Variants in FBXL8 observed in about 807,000 individuals in gnomAD.
The protein encoded by FBXL8 is F-box/LRR-repeat protein 8.
Under a neutral mutation model 8.2 loss-of-function variants are expected in FBXL8, and 13 were observed. That is an observed-to-expected ratio of 1.58 (90% CI 1.03 to 2.51). FBXL8 has a LOEUF of 2.51. Among genes scored for constraint, FBXL8 ranks in the 30% most tolerant of loss-of-function variants. FBXL8 has a pLI of 0.00. For missense variants in FBXL8, 565 were observed against 540.4 expected (o/e 1.05, Z -0.45); for synonymous variants, 271 against 260.5 (o/e 1.04, Z -0.39).
chr16:67,161,565 T>G (rs1026330070), intron 1 of FBXL8, 170 bp from the exon 2 acceptor site: 24 of 470,532 alleles, frequency 5.1e-5, no homozygotes, highest in East Asian at 4.2e-4. Flanking sequence ...CCTGATTTAG[T>G]AGGTGAGGCG....
At chr16:67,160,812 C>G (rs534049590) in intron 1 of FBXL8, among the ~76,000 whole-genome samples, 194 of 152,370 alleles carry the variant, frequency 1.3e-3, no homozygotes, top group Non-Finnish European at 2.2e-3. Flanking sequence ...CAGGGTGGGT[C>G]TGCGGAGTTC....
chr16:67,161,866 C>G lies in FBXL8; in HGVS notation c.81C>G (p.Ala27=), dbSNP rs761003885. Residue 27 remains alanine (A), a synonymous_variant, in exon 2 of 3, where the codon GCC becomes GCG. Transcript: ENST00000258200. ...ACCTGTCCCTGAGAGACCGTGCTGC[C>G]GCCGCCAGGGTCTGCAGGGCCTGGG... ...FRHLSLRDRA[A]AARVCRAWAA... The G allele has an allele frequency of 2.5e-6, 4 of 1,610,622 alleles. No homozygotes were observed. In the South Asian group the frequency reaches 3.3e-5, roughly 13 times the overall value.
chr16:67,163,407 C>T lies in FBXL8; in HGVS notation c.712C>T (p.Pro238Ser). The stretch of plus-strand genomic sequence containing the variant: ...CGAAGATGCACGCGCGTCCCCGCTG[C>T]CCAACGAAGCCTGGGTCGCGTTGCG... Reference protein sequence around the residue: ...CPEDARASPLPNEAWVALRRR... With the variant: ...CPEDARASPLSNEAWVALRRR... The change falls in exon 3 of 3, where the codon CCC (proline) becomes TCC (serine). Residue 238 changes from proline to serine, a missense_variant. Transcript: ENST00000258200. The T allele has an allele frequency of 1.3e-6, 2 of 1,537,554 alleles. No homozygotes were observed. The highest frequency in any genetic ancestry group is 1.4e-5 in the African/African-American group (1 of 72,920).
In FBXL8 at chr16:67,161,857, C is replaced by T; in HGVS notation, c.72C>T (p.Asp24=). 6.2e-7 allele frequency: 1 copy of T among 1,610,714 alleles called. No homozygotes were observed. The highest frequency in any genetic ancestry group is 8.5e-7 in the Non-Finnish European group (1 of 1,178,814). Residue 24 remains aspartate, a synonymous_variant, in exon 2 of 3, where the codon GAC becomes GAT. Coordinates refer to ENST00000258200, the MANE Select transcript of FBXL8 (RefSeq NM_018378.3). ...ALIFRHLSLR[D]RAAAARVCRA... is the part of the protein sequence containing the mutation. ...TCTTCCGCCACCTGTCCCTGAGAGA[C>T]CGTGCTGCCGCCGCCAGGGTCTGCA...
chr16:67,162,536 G>T, intron 2 of FBXL8: 1 of 698,488 alleles, frequency 1.4e-6, no homozygotes. Context: ...GAATGGCAGA[G>T]GCAGAATTCG....
rs781172837 is a variant in FBXL8, at chr16:67,163,383, G to A, written c.688G>A (p.Glu230Lys). 2.6e-6 allele frequency: 4 copies of A among 1,541,840 alleles called. No homozygotes were observed. The highest frequency in any genetic ancestry group is 3.5e-6 in the Non-Finnish European group (4 of 1,148,938). The change falls in exon 3 of 3, where the codon GAA (glutamate) becomes AAA (lysine). Residue 230 changes from glutamate (E) to lysine (K), a missense_variant. Coordinates refer to ENST00000258200, the MANE Select transcript of FBXL8 (RefSeq NM_018378.3). ...ALLALRCACP[E>K]DARASPLPNE... ...CTTGGCTCTGCGGTGCGCGTGCCCCGAAGATGCACGCGCGTCCCCGCTGCC... is the reference window on the plus strand; with the variant it reads ...CTTGGCTCTGCGGTGCGCGTGCCCCAAAGATGCACGCGCGTCCCCGCTGCC...
chr16:67,161,839 C>G lies in FBXL8; in HGVS notation c.54C>G (p.Arg18=), dbSNP rs112559086. ...LPEEVLALIF[R]HLSLRDRAAA... ...AGGAGGTGCTGGCACTCATCTTCCG[C>G]CACCTGTCCCTGAGAGACCGTGCTG... Residue 18 remains arginine, a synonymous_variant, in exon 2 of 3, where the codon CGC becomes CGG. Coordinates refer to ENST00000258200, the MANE Select transcript of FBXL8 (RefSeq NM_018378.3). 4.2e-5 allele frequency: 68 copies of G among 1,610,788 alleles called. No individual in the cohort carries two copies. In the African/African-American group the frequency reaches 4.7e-4, roughly 11 times the overall value.
rs1340141565 is a variant in FBXL8 at position 67,163,546 on chromosome 16, T to G, written c.851T>G (p.Leu284Arg). 6.3e-7 allele frequency: 1 copy of G among 1,575,214 alleles called. No individual in the cohort carries two copies. Among genetic ancestry groups the G allele is most frequent in the Admixed American group, 1.7e-5 (1 of 57,698 alleles). ...AVPVAALRLN[L>R]SGDTVGPVRF... ...CCCGTGGCTGCGCTGCGCCTCAACC[T>G]CTCAGGCGACACCGTAGGCCCAGTG... The change falls in exon 3 of 3, where the codon CTC becomes CGC. Residue 284 changes from leucine to arginine, a missense_variant. Physicochemically the swap from Leu to Arg is moderately radical, Grantham distance 102. Transcript: ENST00000258200.
In FBXL8 at chr16:67,163,300, G is replaced by C. The variant is rs1218710522; in HGVS notation, c.605G>C (p.Ser202Thr). Residue 202 changes from serine (S) to threonine (T), a missense_variant, in exon 3 of 3, where the codon AGT becomes ACT. Ser to Thr is a moderately conservative substitution (Grantham distance 58, BLOSUM62 1). Transcript: ENST00000258200. ...RLRALGLHLA[S>T]LSHAILEALA... ...CGCGCTCTCGGCCTGCACCTAGCCA[G>C]TTTGTCGCACGCCATCCTCGAAGCA... The C allele has an allele frequency of 1.3e-6, 2 of 1,577,264 alleles. No homozygotes were observed. Among genetic ancestry groups the C allele is most frequent in the South Asian group, 2.3e-5 (2 of 87,712 alleles).
At chr16:67,161,502 G>C (rs568853351) in intron 1 of FBXL8, among the ~76,000 whole-genome samples, 23 of 151,934 alleles carry the variant, frequency 1.5e-4, no homozygotes, top group South Asian at 2.1e-4. Context: ...AACCTGTGGA[G>C]TCACAGGGGC....
Position 67,163,971 on chromosome 16 carries a change from A to T in FBXL8, c.*151A>T. 8.1e-7 allele frequency: 1 copy of T among 1,241,846 alleles called. No homozygotes were observed. 76.9% of individuals were successfully genotyped at this position (1,241,846 alleles called of 1,614,324 possible). The stretch of plus-strand genomic sequence containing the variant: ...AGTTGGGAACTGTGATGGCATCGGG[A>T]CCAGTCCTGGGCGCCCTGAGACCAC... On this transcript the variant is annotated 3_prime_UTR_variant, in exon 3 of 3. Coordinates refer to ENST00000258200, the MANE Select transcript of FBXL8 (RefSeq NM_018378.3).
chr16:67,163,371 T>G lies in FBXL8; in HGVS notation c.676T>G (p.Cys226Gly). The change falls in exon 3 of 3, where the codon TGC becomes GGC. Residue 226 changes from cysteine to glycine, a missense_variant. Physicochemically the swap from Cys to Gly is radical, Grantham distance 159. Transcript: ENST00000258200. ...GCCTTTCGCGCTCTTGGCTCTGCGG[T>G]GCGCGTGCCCCGAAGATGCACGCGC... ...RAPFALLALR[C>G]ACPEDARASP... is the part of the protein sequence containing the mutation. 6.5e-7 allele frequency: 1 copy of G among 1,545,402 alleles called. No homozygotes were observed. Among genetic ancestry groups the G allele is most frequent in the Non-Finnish European group, 8.7e-7 (1 of 1,150,558 alleles).
Position 67,161,894 on chromosome 16 carries a change from G to GCC in FBXL8, c.110_111dup (p.Ala38ProfsTer57). ...CGCCAGGGTCTGCAGGGCCTGGGCC[G>GCC]CCGCTGCTACCTGCAGCGCCGTGTG... On this transcript the variant is annotated frameshift_variant, in exon 2 of 3. Coordinates refer to ENST00000258200, the MANE Select transcript of FBXL8 (RefSeq NM_018378.3). LOFTEE classifies it low-confidence loss of function (END_TRUNC). 8 of 1,610,936 alleles carry GCC rather than the reference G, an allele frequency of 5.0e-6. No homozygotes were observed. The highest frequency in any genetic ancestry group is 6.8e-6 in the Non-Finnish European group (8 of 1,179,010).
In FBXL8 at chr16:67,163,933, CG is replaced by C. The variant is rs1332169666; in HGVS notation, c.*116del. The C allele has an allele frequency of 3.4e-6, 5 of 1,462,480 alleles. No homozygotes were observed. The highest frequency in any genetic ancestry group is 2.3e-4 in the Middle Eastern group (1 of 4,282). 90.6% of individuals were successfully genotyped at this position (1,462,480 alleles called of 1,614,324 possible). A position where few individuals can be genotyped will look rare whatever the true frequency, so the allele number is the denominator to read the frequency against. Reference sequence around the variant, plus strand: ...GCCTTCTTTTGGGATTGTTGCCCCCCGGGTCTTTACCGAGTTGGGAACTGTG... The same window carrying C: ...GCCTTCTTTTGGGATTGTTGCCCCCCGGTCTTTACCGAGTTGGGAACTGTG... On this transcript the variant is annotated 3_prime_UTR_variant, in exon 3 of 3. Transcript: ENST00000258200.
chr16:67,162,958 C>A lies in FBXL8; in HGVS notation c.263C>A (p.Ala88Glu). ...CCATCGAGGAAGCCGAGCCGCCGGG[C>A]GGCCATCGAGCTGCTGATGGTTCTG... is the stretch of plus-strand genomic sequence containing the variant. Reference protein sequence around the residue: ...FEPSRKPSRRAAIELLMVLAG... With the variant: ...FEPSRKPSRREAIELLMVLAG... Residue 88 changes from alanine (A) to glutamate (E), a missense_variant, in exon 3 of 3, where the codon GCG becomes GAG. Transcript: ENST00000258200. 1 of 1,560,434 alleles carries A rather than the reference C, an allele frequency of 6.4e-7. No homozygotes were observed. The highest frequency in any genetic ancestry group is 8.7e-7 in the Non-Finnish European group (1 of 1,152,156).
chr16:67,160,941 G>A (rs1311681884), intron 1 of FBXL8, among the ~76,000 whole-genome samples: 2 of 152,052 alleles, frequency 1.3e-5, no homozygotes, highest in Non-Finnish European at 2.9e-5. Flanking sequence ...TTTTCATCCA[G>A]TGGGGCTGTC....
rs903569211 is a variant in FBXL8, at chr16:67,163,029, G to A, written c.334G>A (p.Gly112Arg). ...GCGAGGCCTGCGCCTGGAGTGCCGC[G>A]GAGAAAAACCGCTCTTCGACGCGGG... Reference protein sequence around the residue: ...GLRGLRLECRGEKPLFDAGRD... With the variant: ...GLRGLRLECRREKPLFDAGRD... The change falls in exon 3 of 3, where the codon GGA becomes AGA. Residue 112 changes from glycine to arginine, a missense_variant. Gly to Arg is a moderately radical substitution (Grantham distance 125, BLOSUM62 -2). Transcript: ENST00000258200. The A allele has an allele frequency of 2.6e-6, 4 of 1,560,482 alleles. No homozygotes were observed. The highest frequency in any genetic ancestry group is 2.7e-5 in the African/African-American group (2 of 73,478).
chr16:67,163,518 G>A lies in FBXL8; in HGVS notation c.823G>A (p.Val275Ile), dbSNP rs201963745. 411 of 1,554,566 alleles carry A rather than the reference G, an allele frequency of 2.6e-4. 1 individual carries two copies. The African/African-American group carries it at 5.0e-3, about 19-fold the overall frequency. Residue 275 changes from valine to isoleucine, a missense_variant, in exon 3 of 3, where the codon GTC (valine) becomes ATC (isoleucine). By Grantham distance (29) the Val-to-Ile change is conservative. Coordinates refer to ENST00000258200, the MANE Select transcript of FBXL8 (RefSeq NM_018378.3). Reference sequence around the variant, plus strand: ...CGTGACGCGCGTCCTGCAGCCAGCCGTCCCCGTGGCTGCGCTGCGCCTCAA... The same window carrying A: ...CGTGACGCGCGTCCTGCAGCCAGCCATCCCCGTGGCTGCGCTGCGCCTCAA... ...ESVTRVLQPA[V>I]PVAALRLNLS...
At chr16:67,161,095 C>T (rs1490140567) in intron 1 of FBXL8, 1 of 156,358 alleles carries the variant, frequency 6.4e-6, no homozygotes, top group Non-Finnish European at 1.4e-5. Context: ...TACATTAACG[C>T]TCCCGCCTTA....
Sources: gnomAD v4.1 joint callset for allele counts (sites outside exome capture counted in the v4.1 genomes callset) on GRCh38, gnomAD v4.1.1 for gene constraint, MANE v1.5 for transcripts, NCBI Gene and HGNC (gene_info 2026-07-23, HGNC 2026-07-21) for gene names.